DOCK10: variants seen among roughly 807,000 people sequenced by gnomAD.
DOCK10 encodes the protein dedicator of cytokinesis protein 10.
DOCK10 carries 145 observed loss-of-function variants against 280.1 expected under a neutral mutation model. The ratio of observed to expected loss-of-function variants is 0.52; its 90% CI spans 0.45 to 0.59. The LOEUF (loss-of-function observed/expected upper bound fraction) is 0.59. Among genes scored for constraint, DOCK10 ranks in the 20% least tolerant of loss-of-function variants. The pLI, the probability that DOCK10 is intolerant of heterozygous loss-of-function variation, is 0.00. For synonymous variants in DOCK10, 915 were observed against 942.2 expected (o/e 0.97, Z 0.53); for missense variants, 2,368 against 2,651.7 (o/e 0.89, Z 2.35).
chr2:224,767,384 G>A (rs1234249381), intron 55 of DOCK10, among the ~76,000 whole-genome samples: 1 of 151,968 alleles, frequency 6.6e-6, no homozygotes, highest in Non-Finnish European at 1.5e-5. Context: ...GGCTGGTCTC[G>A]AACTCCTGAC....
intron 1 of DOCK10, among the ~76,000 whole-genome samples, chr2:224,937,822 T>C (rs1702775405): frequency 6.6e-6 from 1 of 152,220 alleles, no homozygotes; most frequent in African/African-American, 2.4e-5. Flanking sequence ...ATTAAACTCA[T>C]TAGCTTTGCA....
At chr2:224,912,140 TAC>T (rs1403240429) in intron 3 of DOCK10, among the ~76,000 whole-genome samples, 1 of 115,368 alleles carries the variant, frequency 8.7e-6, no homozygotes, top group African/African-American at 2.8e-5. Flanking sequence ...CATTTAAAAA[TAC>T]ATTTTTTTTT....
chr2:224,840,459 T>C (rs1214768447), intron 23 of DOCK10, among the ~76,000 whole-genome samples: 1 of 152,124 alleles, frequency 6.6e-6, no homozygotes, highest in African/African-American at 2.4e-5. Context: ...GGGACCCAAA[T>C]AGACATTTCT....
rs77188983 is a variant in DOCK10, at chr2:224,992,573, A to G, written c.123+49679T>C. Among the ~76,000 whole-genome samples, 767 of 152,342 alleles carry G rather than the reference A, an allele frequency of 5.0e-3. 5 individuals are homozygous for G. Among genetic ancestry groups the G allele is most frequent in the African/African-American group, 0.018 (737 of 41,576 alleles). On this transcript the variant is annotated intron_variant, in intron 1 of 55. Coordinates refer to ENST00000258390, the MANE Select transcript of DOCK10 (RefSeq NM_014689.3). The stretch of plus-strand genomic sequence containing the variant: ...ATATTCAGAAGATTAACTTGATAAG[A>G]TAATGTTTAGCCTCTCTTTACAACC...
Position 224,808,016 on chromosome 2 carries a change from T to A in DOCK10, c.3480A>T (p.Glu1160Asp), listed in dbSNP as rs549977831. The A allele has an allele frequency of 6.2e-7, 1 of 1,612,930 alleles. No individual in the cohort carries two copies. The highest frequency in any genetic ancestry group is 8.5e-7 in the Non-Finnish European group (1 of 1,179,384). The change falls in exon 32 of 56, where the codon GAA becomes GAT. Residue 1160 changes from glutamate to aspartate, a missense_variant. Around this residue, in one of 2 missense-constraint regions of DOCK10, gnomAD observed 1,159 missense variants for 1,400.8 expected, o/e 0.83. Transcript: ENST00000258390. ...GGTCTTCCTGCAGGGCAAAGCCAAC[T>A]TCTCGGAGCAGAATTCCGATTAAGA... is the stretch of plus-strand genomic sequence containing the variant. The part of the protein sequence containing the change: ...KHFLIGILLR[E>D]VGFALQEDQD...
intron 1 of DOCK10, among the ~76,000 whole-genome samples, chr2:224,942,770 T>G (rs943844615): frequency 1.3e-5 from 2 of 152,186 alleles, no homozygotes; most frequent in Non-Finnish European, 2.9e-5. Context: ...CCTATTAAAG[T>G]GCTAATAGGT....
At position 224,804,859 on chromosome 2, in the gene DOCK10, A is replaced by C. The variant is rs200324773; in HGVS notation, c.4119-18T>G. The C allele has an allele frequency of 7.7e-5, 115 of 1,492,336 alleles. No homozygotes were observed. Among genetic ancestry groups the C allele is most frequent in the Non-Finnish European group, 1.0e-4 (112 of 1,117,160 alleles). 92.4% of individuals were successfully genotyped at this position (1,492,336 alleles called of 1,614,324 possible). Reference sequence around the variant, plus strand: ...GACAAACGCTAGAAAGGAGAAAAAAACCACATTTTAATTATTCATATTCTT... The same window carrying C: ...GACAAACGCTAGAAAGGAGAAAAAACCCACATTTTAATTATTCATATTCTT... On this transcript the variant is annotated intron_variant, in intron 37 of 55. Transcript: ENST00000258390.
chr2:224,840,974 C>A (rs757313798), intron 23 of DOCK10, among the ~76,000 whole-genome samples: 1 of 151,972 alleles, frequency 6.6e-6, no homozygotes, highest in Admixed American at 6.6e-5. Flanking sequence ...TGGAGGAACC[C>A]GGAGTATATT....
At chr2:224,974,141 A>C (rs1196756869) in intron 1 of DOCK10, among the ~76,000 whole-genome samples, 2 of 152,192 alleles carry the variant, frequency 1.3e-5, no homozygotes, top group Non-Finnish European at 2.9e-5. Flanking sequence ...ACCAAACTGT[A>C]AGTGCAGGGC....
chr2:224,900,276 G>C (rs1700220653), intron 3 of DOCK10, among the ~76,000 whole-genome samples: 1 of 151,006 alleles, frequency 6.6e-6, no homozygotes, highest in African/African-American at 2.4e-5. Flanking sequence ...TATGATACTA[G>C]TAAAAAAAAA....
intron 1 of DOCK10, among the ~76,000 whole-genome samples, chr2:224,969,095 C>T (rs1359943391): frequency 2.0e-5 from 3 of 152,158 alleles, no homozygotes; most frequent in Admixed American, 6.5e-5. Context: ...TTTTGGCGGT[C>T]TCAGTTTGAA....
chr2:224,964,296 T>C (rs1451182130), intron 1 of DOCK10, among the ~76,000 whole-genome samples: 1 of 152,220 alleles, frequency 6.6e-6, no homozygotes, highest in East Asian at 1.9e-4. Flanking sequence ...ATTTTCTAAA[T>C]GCAAACGATT....
intron 40 of DOCK10, among the ~76,000 whole-genome samples, chr2:224,801,700 G>A (rs965251418): frequency 5.3e-5 from 8 of 152,102 alleles, no homozygotes; most frequent in African/African-American, 1.4e-4. Context: ...AGGGAGCTAT[G>A]CTAAACATAT....
intron 3 of DOCK10, among the ~76,000 whole-genome samples, chr2:224,907,565 G>A (rs1029245876): frequency 3.3e-5 from 5 of 152,050 alleles, no homozygotes; most frequent in Non-Finnish European, 4.4e-5. Context: ...GCGGGCCCCT[G>A]TAGTCCCAGC....
intron 1 of DOCK10, among the ~76,000 whole-genome samples, chr2:225,013,533 T>C (rs1689503168): frequency 6.6e-6 from 1 of 152,142 alleles, no homozygotes; most frequent in South Asian, 2.1e-4. Context: ...GTGAATGAAA[T>C]GATGTAGGTC....
intron 19 of DOCK10, among the ~76,000 whole-genome samples, chr2:224,849,035 G>C (rs1404883098): frequency 6.6e-6 from 1 of 152,138 alleles, no homozygotes; most frequent in Non-Finnish European, 1.5e-5. Flanking sequence ...GCAGTGAGTG[G>C]CATGATCTCA....
At chr2:224,936,308 G>C (rs1702690810) in intron 1 of DOCK10, among the ~76,000 whole-genome samples, 1 of 152,122 alleles carries the variant, frequency 6.6e-6, no homozygotes. Context: ...AGTGGCTGGA[G>C]TTCATGATCA....
intron 31 of DOCK10, among the ~76,000 whole-genome samples, chr2:224,811,209 T>C (rs1264560544): frequency 1.3e-5 from 2 of 152,232 alleles, no homozygotes; most frequent in African/African-American, 4.8e-5. Context: ...TCATTGTGGT[T>C]TTGATCTGCA....
Position 224,834,146 on chromosome 2 carries a change from T to C in DOCK10, c.2964+4A>G. ...CAGTTAAAGGACCATCTTTAAATTC[T>C]TACCTTTAGGACATGCTTTACTGTT... On this transcript the variant is annotated splice_donor_region_variant and intron_variant, in intron 26 of 55. Coordinates refer to ENST00000258390, the MANE Select transcript of DOCK10 (RefSeq NM_014689.3). The C allele has an allele frequency of 6.3e-7, 1 of 1,577,004 alleles. No homozygotes were observed. The highest frequency in any genetic ancestry group is 8.7e-7 in the Non-Finnish European group (1 of 1,146,678).
Sources: gnomAD v4.1 joint callset for allele counts (sites outside exome capture counted in the v4.1 genomes callset) on GRCh38, gnomAD v4.1.1 for gene constraint, gnomAD v4.1.1 regional missense constraint, MANE v1.5 for transcripts, NCBI Gene and HGNC (gene_info 2026-07-23, HGNC 2026-07-21) for gene names.